The following CNTN5 variants were observed in gnomAD, a reference collection of about 807,000 sequenced individuals.
CNTN5 encodes contactin-5.
A neutral mutation model predicts 129.1 loss-of-function variants in CNTN5; 77 were observed. The observed-to-expected ratio is 0.60, with a 90% CI of 0.50 to 0.72. CNTN5 has a LOEUF of 0.72. CNTN5 is among the 30% of genes least tolerant of loss of function. The probability of loss-of-function intolerance (pLI) is 0.00; values close to 1 mark genes in which losing one functional copy is unlikely to be tolerated. For synonymous variants in CNTN5, 509 were observed against 465.6 expected (o/e 1.09, Z -1.20); for missense variants, 1,478 against 1,328.8 (o/e 1.11, Z -1.75).
chr11:99,267,527 G>C (rs186731233), intron 1 of CNTN5, among the ~76,000 whole-genome samples: 2 of 151,752 alleles, frequency 1.3e-5, no homozygotes, highest in African/African-American at 4.8e-5. Context: ...AAACCCCTTC[G>C]TTCATGTGAT....
chr11:99,654,761 A>C (rs895336342), intron 3 of CNTN5, among the ~76,000 whole-genome samples: 1 of 152,122 alleles, frequency 6.6e-6, no homozygotes, highest in Admixed American at 6.6e-5. Flanking sequence ...CAATTAAACA[A>C]ATCTTAGAAG....
At chr11:99,566,223 G>T (rs1188581178) in intron 3 of CNTN5, among the ~76,000 whole-genome samples, 1 of 152,006 alleles carries the variant, frequency 6.6e-6, no homozygotes, top group Non-Finnish European at 1.5e-5. Context: ...AAAGAGTGTG[G>T]CACCTTCCCC....
chr11:99,801,491 G>C (rs575220487), intron 3 of CNTN5, among the ~76,000 whole-genome samples: 2 of 152,078 alleles, frequency 1.3e-5, no homozygotes, highest in African/African-American at 2.4e-5. Context: ...AAGACTATTA[G>C]CAACATTTTC....
intron 24 of CNTN5, among the ~76,000 whole-genome samples, chr11:100,355,509 A>C (rs1335689729): frequency 1.3e-5 from 2 of 151,876 alleles, no homozygotes. Flanking sequence ...AATAACAGTC[A>C]TTTGTTACCA....
At chr11:99,773,431 T>C (rs1035361017) in intron 3 of CNTN5, among the ~76,000 whole-genome samples, 3 of 152,114 alleles carry the variant, frequency 2.0e-5, no homozygotes, top group African/African-American at 4.8e-5. Context: ...ATAAAAACTA[T>C]TAGAAATCCC....
chr11:99,485,235 A>T (rs1424596539), intron 2 of CNTN5, among the ~76,000 whole-genome samples: 1 of 103,248 alleles, frequency 9.7e-6, no homozygotes, highest in Non-Finnish European at 2.2e-5. Context: ...AAACCCCCCA[A>T]AATTGTTTAA....
chr11:100,317,266 T>C (rs990931097), intron 21 of CNTN5, among the ~76,000 whole-genome samples: 1 of 152,196 alleles, frequency 6.6e-6, no homozygotes, highest in Non-Finnish European at 1.5e-5. Flanking sequence ...CTGGGCAGAT[T>C]GTATTTACTT....
At chr11:99,547,015 T>TG (rs1341073818) in intron 2 of CNTN5, among the ~76,000 whole-genome samples, 4 of 151,074 alleles carry the variant, frequency 2.6e-5, no homozygotes, top group Non-Finnish European at 4.4e-5. Context: ...TTTTTTTTTT[T>TG]TTTTTGAGAC....
At chr11:99,769,973 T>A (rs1402214396) in intron 3 of CNTN5, among the ~76,000 whole-genome samples, 1 of 152,216 alleles carries the variant, frequency 6.6e-6, no homozygotes, top group Non-Finnish European at 1.5e-5. Flanking sequence ...TTATTTGTTT[T>A]ACATTTTTTT....
intron 13 of CNTN5, among the ~76,000 whole-genome samples, chr11:100,104,502 G>A (rs1211949917): frequency 6.6e-6 from 1 of 152,082 alleles, no homozygotes; most frequent in African/African-American, 2.4e-5. Flanking sequence ...CTACTTAGTA[G>A]AAACCAAGTG....
chr11:99,624,354 C>G (rs1047860803), intron 3 of CNTN5, among the ~76,000 whole-genome samples: 4 of 152,116 alleles, frequency 2.6e-5, no homozygotes, highest in African/African-American at 4.8e-5. Flanking sequence ...AGTAGTCTCA[C>G]TGTTGACATT....
chr11:100,256,038 C>A, intron 17 of CNTN5, 120 bp downstream of exon 17: 1 of 842,598 alleles, frequency 1.2e-6, no homozygotes, highest in Non-Finnish European at 1.8e-6. Context: ...TTATTTCTTA[C>A]AATATTGACA....
At chr11:100,004,158 TG>T (rs1940051787) in intron 9 of CNTN5, among the ~76,000 whole-genome samples, 1 of 152,174 alleles carries the variant, frequency 6.6e-6, no homozygotes, top group Non-Finnish European at 1.5e-5. Context: ...TGTGGGCCTT[TG>T]TCTGTTGCAA....
At chr11:99,874,945 G>A (rs1408103689) in intron 6 of CNTN5, among the ~76,000 whole-genome samples, 1 of 152,064 alleles carries the variant, frequency 6.6e-6, no homozygotes, top group Non-Finnish European at 1.5e-5. Context: ...AGTGTGCTGT[G>A]ACAAGCCACA....
intron 1 of CNTN5, among the ~76,000 whole-genome samples, chr11:99,161,217 T>C (rs189009284): frequency 2.4e-3 from 372 of 152,294 alleles, no homozygotes; most frequent in Admixed American, 5.2e-3. Flanking sequence ...ATAAAAAATC[T>C]TGAAATATAT....
intron 3 of CNTN5, among the ~76,000 whole-genome samples, chr11:99,743,216 A>G (rs1009834414): frequency 6.6e-6 from 1 of 152,226 alleles, no homozygotes. Context: ...TTAAAATCCT[A>G]TGCCTGATTA....
At chr11:100,130,156 T>A (rs1279611204) in intron 13 of CNTN5, among the ~76,000 whole-genome samples, 1 of 152,188 alleles carries the variant, frequency 6.6e-6, no homozygotes, top group Non-Finnish European at 1.5e-5. Context: ...GATATCCGCA[T>A]ATTCTTTAAG....
At chr11:99,033,689 A>C (rs1863528571) in intron 1 of CNTN5, among the ~76,000 whole-genome samples, 2 of 151,090 alleles carry the variant, frequency 1.3e-5, no homozygotes, top group South Asian at 4.2e-4. Context: ...GGGGTTTTCT[A>C]GATATACAAT....
At chr11:99,293,071 T>C (rs1864237147) in intron 1 of CNTN5, among the ~76,000 whole-genome samples, 1 of 152,166 alleles carries the variant, frequency 6.6e-6, no homozygotes, top group Non-Finnish European at 1.5e-5. Flanking sequence ...GGGTTTGTCA[T>C]ATATGACCTG....
Sources: allele counts gnomAD v4.1 joint callset (sites outside exome capture counted in the v4.1 genomes callset), GRCh38; gene constraint gnomAD v4.1.1; transcripts MANE v1.5; gene names NCBI Gene and HGNC (gene_info 2026-07-23, HGNC 2026-07-21).